Variants in TTLL1 observed in about 807,000 individuals in gnomAD.
TTLL1 encodes TTL family tubulin polyglutamylase complex subunit L1.
Under a neutral mutation model 47.8 loss-of-function variants are expected in TTLL1, and 33 were observed. The ratio of observed to expected loss-of-function variants is 0.69; its 90% CI spans 0.52 to 0.92. The LOEUF (loss-of-function observed/expected upper bound fraction) is 0.92. Ranked by LOEUF, TTLL1 falls within the 40% of genes least tolerant of loss-of-function variation. The probability of loss-of-function intolerance (pLI) is 0.00; values close to 1 mark genes in which losing one functional copy is unlikely to be tolerated. For missense variants in TTLL1, 488 were observed against 547.5 expected (o/e 0.89, Z 1.08); for synonymous variants, 225 against 214.1 (o/e 1.05, Z -0.45).
At chr22:43,075,644 T>A in intron 2 of TTLL1, 54 bp from the exon 3 acceptor site, 2 of 1,501,942 alleles carry the variant, frequency 1.3e-6, no homozygotes, top group Non-Finnish European at 9.3e-7. Context: ...CACTTCCCTT[T>A]AAACCCAAGG....
At position 43,046,531 on chromosome 22, in the gene TTLL1, G is replaced by C; in HGVS notation, c.1021C>G (p.Arg341Gly). The stretch of plus-strand genomic sequence containing the variant: ...TTAATCAGGTTGTACTTGAGGATTC[G>C]GTCATTGGCAGTGCTGGACGTGAGA... ...PSLTSSTAND[R>G]ILKYNLINDT... is the part of the protein sequence containing the mutation. Residue 341 changes from arginine to glycine, a missense_variant, in exon 10 of 11, where the codon CGA becomes GGA. By Grantham distance (125) the Arg-to-Gly change is moderately radical. Transcript: ENST00000266254. 1 of 1,614,120 alleles carries C rather than the reference G, an allele frequency of 6.2e-7. No homozygotes were observed. The highest frequency in any genetic ancestry group is 8.5e-7 in the Non-Finnish European group (1 of 1,180,024).
At chr22:43,088,965 C>T (rs1367211798) in intron 1 of TTLL1, among the ~76,000 whole-genome samples, 4 of 152,154 alleles carry the variant, frequency 2.6e-5, no homozygotes, top group African/African-American at 9.7e-5. Context: ...ACAGAAACAA[C>T]ACAGATTGCA....
rs1176993187 is a variant in TTLL1, at chr22:43,046,479, T to C, written c.1073A>G (p.Asn358Ser). The C allele has an allele frequency of 6.2e-7, 1 of 1,614,076 alleles. No individual in the cohort carries two copies. Among genetic ancestry groups the C allele is most frequent in the South Asian group, 1.1e-5 (1 of 91,064 alleles). The change falls in exon 10 of 11, where the codon AAT (asparagine) becomes AGT (serine). Residue 358 changes from asparagine (N) to serine (S), a missense_variant. Asn to Ser is a conservative substitution (Grantham distance 46). Transcript: ENST00000266254. ...CCATTTGCAGTCTGGGATTTCACCA[T>C]TCGGGACGGCGATGTTGAGGGTGTC... is the stretch of plus-strand genomic sequence containing the variant. ...INDTLNIAVPNGEIPDCKWNK... is the reference protein window; with the variant it reads ...INDTLNIAVPSGEIPDCKWNK...
intron 5 of TTLL1, among the ~76,000 whole-genome samples, chr22:43,067,965 G>T (rs1015161924): frequency 1.4e-5 from 2 of 137,952 alleles, no homozygotes; most frequent in African/African-American, 5.9e-5. Context: ...CACCTCACCT[G>T]GCTAATTTTT....
chr22:43,039,770 T>A lies in TTLL1; in HGVS notation c.*6A>T. 1 of 1,608,056 alleles carries A rather than the reference T, an allele frequency of 6.2e-7. No individual in the cohort carries two copies. Among genetic ancestry groups the A allele is most frequent in the South Asian group, 1.1e-5 (1 of 90,724 alleles). ...GTGAGTAGTTTTGATAAGGTCCAGG[T>A]GGGACTCACTTCCAGGTGGTGAGGA... On this transcript the variant is annotated 3_prime_UTR_variant, in exon 11 of 11. Coordinates refer to ENST00000266254, the MANE Select transcript of TTLL1 (RefSeq NM_012263.5).
At chr22:43,043,857 C>T (rs953786927) in intron 10 of TTLL1, among the ~76,000 whole-genome samples, 3 of 152,046 alleles carry the variant, frequency 2.0e-5, no homozygotes, top group Non-Finnish European at 1.5e-5. Context: ...CACCCCAGAT[C>T]CCTTGGAGAG....
At chr22:43,048,541 A>G (rs1431491177) in intron 9 of TTLL1, among the ~76,000 whole-genome samples, 2 of 151,388 alleles carry the variant, frequency 1.3e-5, no homozygotes. Flanking sequence ...CAGGAGGCTG[A>G]GGTGAGAAGG....
intron 7 of TTLL1, among the ~76,000 whole-genome samples, chr22:43,061,292 C>G (rs1180857172): frequency 6.6e-6 from 1 of 152,218 alleles, no homozygotes; most frequent in Non-Finnish European, 1.5e-5. Flanking sequence ...GCGAGTTAGG[C>G]CAGCCACATG....
intron 8 of TTLL1, among the ~76,000 whole-genome samples, chr22:43,058,935 C>T (rs959721617): frequency 2.6e-5 from 4 of 152,124 alleles, no homozygotes; most frequent in African/African-American, 9.7e-5. Flanking sequence ...TCAGGTGATC[C>T]GCCTGCCTCG....
At chr22:43,061,951 T>A (rs1927413537) in intron 7 of TTLL1, among the ~76,000 whole-genome samples, 1 of 152,196 alleles carries the variant, frequency 6.6e-6, no homozygotes, top group African/African-American at 2.4e-5. Context: ...TCTAGATGTG[T>A]GTTCCTCACT....
chr22:43,068,462 TAAGG>T lies in TTLL1; in HGVS notation c.447_450del (p.Phe149LeufsTer30), dbSNP rs774475059. On this transcript the variant is annotated frameshift_variant, in exon 5 of 11. Coordinates refer to ENST00000266254, the MANE Select transcript of TTLL1 (RefSeq NM_012263.5). LOFTEE classifies it high-confidence loss of function. The stretch of plus-strand genomic sequence containing the variant: ...TTTTTGATCTGTGAGAGCTTGTTGA[TAAGG>T]AAGATGCCCTTTCCCTGGGCCTTGC... The T allele has an allele frequency of 3.8e-6, 6 of 1,562,166 alleles. No homozygotes were observed.
chr22:43,067,708 C>T (rs571287055), intron 5 of TTLL1, among the ~76,000 whole-genome samples: 15 of 152,176 alleles, frequency 9.9e-5, no homozygotes, highest in East Asian at 1.9e-4. Flanking sequence ...CAGTGAATCA[C>T]GCCTGTAATC....
chr22:43,081,016 A>AGCGATTCT (rs1488291243), intron 1 of TTLL1, among the ~76,000 whole-genome samples: 1 of 145,176 alleles, frequency 6.9e-6, no homozygotes, highest in African/African-American at 2.6e-5. Context: ...CCTGGGCTCA[A>AGCGATTCT]GCGATTCTTC....
At chr22:43,041,531 C>CTTTTT (rs1255980785) in intron 10 of TTLL1, among the ~76,000 whole-genome samples, 1 of 70,840 alleles carries the variant, frequency 1.4e-5, no homozygotes, top group Non-Finnish European at 2.5e-5. Flanking sequence ...TTTTCTGATT[C>CTTTTT]CTTTTTTTTT....
intron 9 of TTLL1, among the ~76,000 whole-genome samples, chr22:43,047,534 T>C (rs1167465833): frequency 1.3e-5 from 2 of 152,120 alleles, no homozygotes; most frequent in African/African-American, 4.8e-5. Flanking sequence ...AGTGGTGTGA[T>C]CTCAGCTCAC....
chr22:43,046,678 T>C, intron 9 of TTLL1, 105 bp from the exon 10 acceptor site: 1 of 1,281,010 alleles, frequency 7.8e-7, no homozygotes, highest in Non-Finnish European at 1.1e-6. Flanking sequence ...TTTAGTGAAG[T>C]TTTTTTTTGA....
At chr22:43,075,072 G>A (rs1569443427) in intron 3 of TTLL1, among the ~76,000 whole-genome samples, 1 of 152,198 alleles carries the variant, frequency 6.6e-6, no homozygotes. Context: ...GCCTAAGGCA[G>A]GAGAATCGCT....
Position 43,068,132 on chromosome 22 carries a change from T to TA in TTLL1, c.503+277_503+278insT, listed in dbSNP as rs1267298755. On this transcript the variant is annotated intron_variant, in intron 5 of 10. Coordinates refer to ENST00000266254, the MANE Select transcript of TTLL1 (RefSeq NM_012263.5). ...CCCAGCCGCAAAACCCCATCTCTAT[T>TA]TAAAAAAAAAAAACTCTATTAAAAA... Among the ~76,000 whole-genome samples the TA allele has an allele frequency of 1.5e-4, 19 of 126,660 alleles. 1 individual carries two copies. Among genetic ancestry groups the TA allele is most frequent in the African/African-American group, 6.1e-4 (17 of 27,842 alleles). The allele number at this position is 126,660 out of a possible 152,430, so 83.1% of individuals were successfully genotyped here.
At chr22:43,048,555 A>T (rs1357606351) in intron 9 of TTLL1, among the ~76,000 whole-genome samples, 1 of 151,240 alleles carries the variant, frequency 6.6e-6, no homozygotes, top group Non-Finnish European at 1.5e-5. Context: ...GAGAAGGATC[A>T]CTTGAGCCCA....
Sources: gnomAD v4.1 joint callset for allele counts (sites outside exome capture counted in the v4.1 genomes callset) on GRCh38, gnomAD v4.1.1 for gene constraint, MANE v1.5 for transcripts, NCBI Gene and HGNC (gene_info 2026-07-23, HGNC 2026-07-21) for gene names.